Variants in INKA2 observed in about 807,000 individuals in gnomAD.
The protein encoded by INKA2 is inka box actin regulator 2, also known as PAK4-inhibitor INKA2.
INKA2 carries 3 observed loss-of-function variants against 9.8 expected under a neutral mutation model. The ratio of observed to expected loss-of-function variants is 0.31; its 90% CI spans 0.14 to 0.79. INKA2 has a LOEUF of 0.79. Ranked by LOEUF, INKA2 falls within the 30% of genes least tolerant of loss-of-function variation. The probability of loss-of-function intolerance (pLI) is 0.62; values close to 1 mark genes in which losing one functional copy is unlikely to be tolerated. For missense variants in INKA2, 392 were observed against 384.4 expected, an observed-to-expected ratio of 1.02 and a Z score of -0.17; for synonymous variants, 147 against 143.3, an observed-to-expected ratio of 1.03 and a Z score of -0.18.
chr1:111,746,915 C>T (rs1045586055), intron 1 of INKA2: 1 of 152,202 alleles, frequency 6.6e-6, no homozygotes, highest in Non-Finnish European at 1.5e-5. Context: ...TGGCTTTGGA[C>T]AAGTAATTTA....
At chr1:111,748,367 G>A (rs1663318864) in intron 1 of INKA2, among the ~76,000 whole-genome samples, 1 of 152,218 alleles carries the variant, frequency 6.6e-6, no homozygotes, top group Non-Finnish European at 1.5e-5. Flanking sequence ...TTCTCTAACT[G>A]TAAAGTGGGA....
chr1:111,723,818 G>T lies in INKA2; in HGVS notation c.*3150C>A, dbSNP rs1194137618. 1 of 152,356 alleles carries T rather than the reference G, an allele frequency of 6.6e-6. No homozygotes were observed. Among genetic ancestry groups the T allele is most frequent in the Non-Finnish European group, 1.5e-5 (1 of 68,116 alleles). 9.4% of individuals were successfully genotyped at this position (152,356 alleles called of 1,614,324 possible). On this transcript the variant is annotated 3_prime_UTR_variant, in exon 2 of 2. Coordinates refer to ENST00000357260, the MANE Select transcript of INKA2 (RefSeq NM_019099.5). ...CCATGGCAGGTGTCCAGGGGGAAGGGAAAAGTAAGTCTCCATCAGACAGTC... is the reference window on the plus strand; with the variant it reads ...CCATGGCAGGTGTCCAGGGGGAAGGTAAAAGTAAGTCTCCATCAGACAGTC...
chr1:111,723,225 A>G lies in INKA2; in HGVS notation c.*3743T>C, dbSNP rs950931089. On this transcript the variant is annotated 3_prime_UTR_variant, in exon 2 of 2. Transcript: ENST00000357260. ...GAAACGATGGTGTGACTTGGGAAAGATGGAGGAGCCTCTCCCCAACAAGGC... is the reference window on the plus strand; with the variant it reads ...GAAACGATGGTGTGACTTGGGAAAGGTGGAGGAGCCTCTCCCCAACAAGGC... The G allele has an allele frequency of 5.0e-6, 3 of 602,000 alleles. No homozygotes were observed. The highest frequency in any genetic ancestry group is 8.9e-6 in the Non-Finnish European group (3 of 337,160). The allele number at this position is 602,000 out of a possible 1,614,324, so 37.3% of individuals were successfully genotyped here. A position where few individuals can be genotyped will look rare whatever the true frequency, so the allele number is the denominator to read the frequency against.
At position 111,723,139 on chromosome 1, in the gene INKA2, T is replaced by C; in HGVS notation, c.*3829A>G. On this transcript the variant is annotated 3_prime_UTR_variant, in exon 2 of 2. Coordinates refer to ENST00000357260, the MANE Select transcript of INKA2 (RefSeq NM_019099.5). ...GATGGGGAAGGCACCTGAGGTGGGT[T>C]CTGGCTGCTCTGGAGAAGGTGGGGA... is the stretch of plus-strand genomic sequence containing the variant. The C allele has an allele frequency of 1.4e-6, 1 of 695,760 alleles. No homozygotes were observed. The highest frequency in any genetic ancestry group is 2.6e-6 in the Non-Finnish European group (1 of 381,724). 43.1% of individuals were successfully genotyped at this position (695,760 alleles called of 1,614,324 possible). A position where few individuals can be genotyped will look rare whatever the true frequency, so the allele number is the denominator to read the frequency against.
At chr1:111,733,552 C>T (rs901758260) in intron 1 of INKA2, among the ~76,000 whole-genome samples, 33 of 152,148 alleles carry the variant, frequency 2.2e-4, no homozygotes, top group Admixed American at 2.0e-3. Context: ...TGAGGGACTC[C>T]GAGGCCTCCC....
chr1:111,746,752 G>A (rs1305494542), intron 1 of INKA2: 1 of 152,188 alleles, frequency 6.6e-6, no homozygotes, highest in African/African-American at 2.4e-5. Flanking sequence ...TTGGGAGGTA[G>A]GTGCTGCTAT....
In INKA2 at chr1:111,725,444, C is replaced by T. The variant is rs1662746431; in HGVS notation, c.*1524G>A. On this transcript the variant is annotated 3_prime_UTR_variant, in exon 2 of 2. Coordinates refer to ENST00000357260, the MANE Select transcript of INKA2 (RefSeq NM_019099.5). ...GGGGGGGCCTGGATCACTAGGTGGC[C>T]CTCCTGGGCCACGTGCCCAGAGTGG... 6.6e-6 allele frequency: 1 copy of T among 152,284 alleles called. No homozygotes were observed. The highest frequency in any genetic ancestry group is 2.4e-5 in the African/African-American group (1 of 41,446). 9.4% of individuals were successfully genotyped at this position (152,284 alleles called of 1,614,324 possible).
intron 1 of INKA2, among the ~76,000 whole-genome samples, chr1:111,729,015 G>A (rs186439943): frequency 6.6e-6 from 1 of 150,574 alleles, no homozygotes; most frequent in East Asian, 2.0e-4. Context: ...CTGGCCTCAA[G>A]TAGTCCTCTG....
intron 1 of INKA2, among the ~76,000 whole-genome samples, chr1:111,736,114 C>G (rs980521154): frequency 6.6e-6 from 1 of 152,184 alleles, no homozygotes; most frequent in African/African-American, 2.4e-5. Flanking sequence ...TCAGGCAGGG[C>G]CCCTCTTTGG....
chr1:111,748,182 A>G (rs1369634068), intron 1 of INKA2, among the ~76,000 whole-genome samples: 1 of 152,200 alleles, frequency 6.6e-6, no homozygotes, highest in Non-Finnish European at 1.5e-5. Context: ...ACGGCCCATG[A>G]AGCAAGCTGT....
intron 1 of INKA2, among the ~76,000 whole-genome samples, chr1:111,752,188 A>G (rs1663426167): frequency 6.6e-6 from 1 of 152,206 alleles, no homozygotes; most frequent in Non-Finnish European, 1.5e-5. Flanking sequence ...ATCTTTGTGG[A>G]TCAGGGCTGT....
rs991245694 is a variant in INKA2 at position 111,726,403 on chromosome 1, G to GCTA, written c.*562_*564dup. On this transcript the variant is annotated 3_prime_UTR_variant, in exon 2 of 2. Coordinates refer to ENST00000357260, the MANE Select transcript of INKA2 (RefSeq NM_019099.5). Reference sequence around the variant, plus strand: ...GACTGAAACCTCCAAGGCAGAAAGGGCTAGCAGGTCGGGTTTTGCCTCACT... The same window carrying GCTA: ...GACTGAAACCTCCAAGGCAGAAAGGGCTACTAGCAGGTCGGGTTTTGCCTCACT... 7.8e-6 allele frequency: 2 copies of GCTA among 258,002 alleles called. No individual in the cohort carries two copies. Among genetic ancestry groups the GCTA allele is most frequent in the Non-Finnish European group, 1.5e-5 (2 of 137,652 alleles). 16.0% of individuals were successfully genotyped at this position (258,002 alleles called of 1,614,324 possible). A position where few individuals can be genotyped will look rare whatever the true frequency, so the allele number is the denominator to read the frequency against.
In INKA2 at chr1:111,723,081, C is replaced by T; in HGVS notation, c.*3887G>A. 1.4e-6 allele frequency: 1 copy of T among 701,800 alleles called. No individual in the cohort carries two copies. The allele number at this position is 701,800 out of a possible 1,614,324, so 43.5% of individuals were successfully genotyped here. ...TTAACTCCAAGTCTAGTGCTCATAC[C>T]ATGGTGCTGGCAGAAGTGCCTTAAC... On this transcript the variant is annotated 3_prime_UTR_variant, in exon 2 of 2. Coordinates refer to ENST00000357260, the MANE Select transcript of INKA2 (RefSeq NM_019099.5).
Position 111,739,393 on chromosome 1 carries a change from G to A in INKA2, c.-151C>T. The A allele has an allele frequency of 8.1e-6, 12 of 1,488,232 alleles. No homozygotes were observed. The highest frequency in any genetic ancestry group is 1.1e-5 in the Non-Finnish European group (12 of 1,119,682). 92.2% of individuals were successfully genotyped at this position (1,488,232 alleles called of 1,614,324 possible). ...CTGCGCTCCGAGCCCGGGACTCAGA[G>A]TCGCTTCCCCAGCGGCTAGCCGCGC... On this transcript the variant is annotated 5_prime_UTR_variant, in exon 1 of 2. Coordinates refer to ENST00000357260, the MANE Select transcript of INKA2 (RefSeq NM_019099.5).
chr1:111,729,406 G>A (rs145645158), intron 1 of INKA2, among the ~76,000 whole-genome samples: 110 of 152,360 alleles, frequency 7.2e-4, no homozygotes, highest in African/African-American at 2.4e-3. Flanking sequence ...GATGCTGGGG[G>A]CCAATTCTCC....
Position 111,753,419 on chromosome 1 carries a change from TCAA to T in INKA2, n.124+2279_124+2281del, listed in dbSNP as rs966326306. On this transcript the variant is annotated intron_variant and non_coding_transcript_variant, in intron 1 of 1. Coordinates refer to the INKA2 transcript ENST00000444059. ...ATCTTTATAGCACTAAAAATTATGG[TCAA>T]CAACACTGTTATAACTTTTGACTAG... is the stretch of plus-strand genomic sequence containing the variant. Among the ~76,000 whole-genome samples, 6 of 152,202 alleles carry T rather than the reference TCAA, an allele frequency of 3.9e-5. No individual in the cohort carries two copies. The South Asian group carries it at 6.2e-4, about 16-fold the overall frequency.
At chr1:111,754,431 A>G (rs1663481616) in intron 1 of INKA2, 1 of 152,228 alleles carries the variant, frequency 6.6e-6, no homozygotes, top group Non-Finnish European at 1.5e-5. Context: ...TGTGTGTGTC[A>G]AGGGGGTAGG....
rs1020722109 is a variant in INKA2 at position 111,725,418 on chromosome 1, G to C, written c.*1550C>G. On this transcript the variant is annotated 3_prime_UTR_variant, in exon 2 of 2. Coordinates refer to ENST00000357260, the MANE Select transcript of INKA2 (RefSeq NM_019099.5). ...ACAGTGGCTTCCCAGGGCAGTCCTG[G>C]GGGGGGGCCTGGATCACTAGGTGGC... is the stretch of plus-strand genomic sequence containing the variant. The C allele has an allele frequency of 6.6e-6, 1 of 152,028 alleles. No homozygotes were observed. Among genetic ancestry groups the C allele is most frequent in the Non-Finnish European group, 1.5e-5 (1 of 67,994 alleles). 9.4% of individuals were successfully genotyped at this position (152,028 alleles called of 1,614,324 possible).
In INKA2 at chr1:111,725,117, A is replaced by G. The variant is rs1662738634; in HGVS notation, c.*1851T>C. ...GCTGCGCCCCCATAATCCCATCTTG[A>G]GCTCTGCCCCTCTCTCCACTCTCCC... is the stretch of plus-strand genomic sequence containing the variant. On this transcript the variant is annotated 3_prime_UTR_variant, in exon 2 of 2. Transcript: ENST00000357260. The G allele has an allele frequency of 6.6e-6, 1 of 152,172 alleles. No homozygotes were observed. The highest frequency in any genetic ancestry group is 6.5e-5 in the Admixed American group (1 of 15,268). The allele number at this position is 152,172 out of a possible 1,614,324, so 9.4% of individuals were successfully genotyped here.
Sources: allele counts gnomAD v4.1 joint callset (sites outside exome capture counted in the v4.1 genomes callset), GRCh38; gene constraint gnomAD v4.1.1; transcripts MANE v1.5; gene names NCBI Gene and HGNC (gene_info 2026-07-23, HGNC 2026-07-21).